Variants in RPRD1B observed in about 807,000 individuals in gnomAD.
The protein encoded by RPRD1B is regulation of nuclear pre-mRNA domain-containing protein 1B.
RPRD1B carries 11 observed loss-of-function variants against 41.5 expected under a neutral mutation model. The observed-to-expected ratio is 0.27, with a 90% CI of 0.17 to 0.44. The LOEUF (loss-of-function observed/expected upper bound fraction) is 0.44, where lower values mean the gene tolerates loss of function less well. RPRD1B is among the 20% of genes least tolerant of loss of function. RPRD1B has a pLI of 1.00. For missense variants in RPRD1B, 248 were observed against 389.9 expected (o/e 0.64, Z 3.06); for synonymous variants, 158 against 155.6 (o/e 1.02, Z -0.12).
chr20:38,082,423 G>A (rs1222621399), intron 6 of RPRD1B, among the ~76,000 whole-genome samples: 4 of 152,080 alleles, frequency 2.6e-5, no homozygotes, highest in African/African-American at 4.8e-5. Context: ...GTCTTGCTCC[G>A]TCCCCCAGGC....
intron 5 of RPRD1B, among the ~76,000 whole-genome samples, chr20:38,061,949 T>G (rs1270431323): frequency 6.6e-6 from 1 of 152,136 alleles, no homozygotes; most frequent in Non-Finnish European, 1.5e-5. Flanking sequence ...CAGGTGTGAT[T>G]AAATATCTTG....
At position 38,049,840 on chromosome 20, in the gene RPRD1B, T is replaced by C. The variant is rs1222702588; in HGVS notation, c.415+1359T>C. ...TACTGATAGTATTGAAGACCCTTTC[T>C]ATCTGAACTAGCCTGTTTTTCCAGA... On this transcript the variant is annotated intron_variant, in intron 3 of 6. Coordinates refer to ENST00000373433, the MANE Select transcript of RPRD1B (RefSeq NM_021215.4). The C allele has an allele frequency of 1.1e-5, 5 of 471,192 alleles. No homozygotes were observed. In the East Asian group the frequency reaches 3.5e-4, roughly 33 times the overall value. 29.2% of individuals were successfully genotyped at this position (471,192 alleles called of 1,614,324 possible).
intron 2 of RPRD1B, among the ~76,000 whole-genome samples, chr20:38,045,428 T>A (rs1185170612): frequency 2.6e-5 from 4 of 152,274 alleles, no homozygotes; most frequent in Non-Finnish European, 5.9e-5. Flanking sequence ...CTTGAATATT[T>A]TATGTATAAC....
At chr20:38,081,676 T>A (rs947449689) in intron 6 of RPRD1B, among the ~76,000 whole-genome samples, 3 of 152,194 alleles carry the variant, frequency 2.0e-5, no homozygotes, top group Admixed American at 2.0e-4. Flanking sequence ...GAGTATGATG[T>A]TTGCTGTGGG....
At chr20:38,056,618 G>A (rs1476537160) in intron 3 of RPRD1B, among the ~76,000 whole-genome samples, 4 of 152,154 alleles carry the variant, frequency 2.6e-5, no homozygotes, top group African/African-American at 9.7e-5. Flanking sequence ...TAATTTGAGT[G>A]CAGTGGAAAG....
chr20:38,089,686 G>T (rs189231693), intron 6 of RPRD1B, 40 bp from the exon 7 acceptor site: 5 of 1,565,184 alleles, frequency 3.2e-6, no homozygotes, highest in African/African-American at 2.7e-5. Context: ...CCCTCGGCAC[G>T]CACAGACTTA....
At chr20:38,060,437 A>G (rs1254601228) in intron 5 of RPRD1B, among the ~76,000 whole-genome samples, 1 of 152,212 alleles carries the variant, frequency 6.6e-6, no homozygotes, top group Non-Finnish European at 1.5e-5. Flanking sequence ...GCCCACCTAT[A>G]TCCCCTCAAG....
intron 1 of RPRD1B, among the ~76,000 whole-genome samples, chr20:38,035,576 A>T (rs1568639743): frequency 1.3e-5 from 2 of 152,110 alleles, no homozygotes; most frequent in African/African-American, 2.4e-5. Context: ...TGAGATAGGG[A>T]TCCCCTCAGC....
intron 6 of RPRD1B, among the ~76,000 whole-genome samples, chr20:38,083,624 C>G (rs1477460184): frequency 6.6e-6 from 1 of 152,136 alleles, no homozygotes; most frequent in African/African-American, 2.4e-5. Context: ...TTAAGAAGCT[C>G]GCTCCCATTT....
chr20:38,075,594 C>G (rs1031543829), intron 6 of RPRD1B, among the ~76,000 whole-genome samples: 1 of 152,198 alleles, frequency 6.6e-6, no homozygotes, highest in Non-Finnish European at 1.5e-5. Flanking sequence ...GCCTTCTACT[C>G]CCACTTAAAA....
chr20:38,035,029 C>A (rs1485663586), intron 1 of RPRD1B, among the ~76,000 whole-genome samples: 3 of 152,136 alleles, frequency 2.0e-5, no homozygotes, highest in Admixed American at 6.5e-5. Context: ...AAAAAAAATT[C>A]TCGGAGCCCT....
At position 38,082,526 on chromosome 20, in the gene RPRD1B, A is replaced by G. The variant is rs149933520; in HGVS notation, c.832-7200A>G. Among the ~76,000 whole-genome samples, 41 of 152,212 alleles carry G rather than the reference A, an allele frequency of 2.7e-4. 1 individual carries two copies. In the East Asian group the frequency reaches 6.6e-3, roughly 24 times the overall value. ...CTCAGCCTCCCGAGCAGCTGGGACTACAAGGCACCTGCTACCATGCCTGGC... is the reference window on the plus strand; with the variant it reads ...CTCAGCCTCCCGAGCAGCTGGGACTGCAAGGCACCTGCTACCATGCCTGGC... On this transcript the variant is annotated intron_variant, in intron 6 of 6. Transcript: ENST00000373433.
In RPRD1B at chr20:38,090,449, AT is replaced by A; in HGVS notation, c.*576del. 1.0e-6 allele frequency: 1 copy of A among 985,926 alleles called. No individual in the cohort carries two copies. Among genetic ancestry groups the A allele is most frequent in the Non-Finnish European group, 1.2e-6 (1 of 829,980 alleles). 61.1% of individuals were successfully genotyped at this position (985,926 alleles called of 1,614,324 possible). On this transcript the variant is annotated 3_prime_UTR_variant, in exon 7 of 7. Transcript: ENST00000373433. ...TTGCTTCTCCTAGTGATGCACGAAG[AT>A]TAGGTGCATTTATTTTGTAAACAGA...
intron 3 of RPRD1B, among the ~76,000 whole-genome samples, chr20:38,055,518 C>T (rs1292311144): frequency 6.6e-6 from 1 of 151,594 alleles, no homozygotes; most frequent in Non-Finnish European, 1.5e-5. Context: ...CCACTTTCTT[C>T]ATTGCTAAGT....
chr20:38,052,718 T>A (rs2074198891), intron 3 of RPRD1B, among the ~76,000 whole-genome samples: 1 of 151,218 alleles, frequency 6.6e-6, no homozygotes, highest in Non-Finnish European at 1.5e-5. Flanking sequence ...GATCAATTAG[T>A]TGTAAACACT....
chr20:38,043,965 G>A (rs2122699048), intron 2 of RPRD1B, among the ~76,000 whole-genome samples: 1 of 152,268 alleles, frequency 6.6e-6, no homozygotes, highest in Middle Eastern at 3.4e-3. Flanking sequence ...GATTTCTGGA[G>A]ACATAAATTT....
rs6091816 is a variant in RPRD1B, at chr20:38,090,946, C to G, written c.*1071C>G. 81 of 985,176 alleles carry G rather than the reference C, an allele frequency of 8.2e-5. No homozygotes were observed. The African/African-American group carries it at 9.4e-4, about 11-fold the overall frequency. 61.0% of individuals were successfully genotyped at this position (985,176 alleles called of 1,614,324 possible). A position where few individuals can be genotyped will look rare whatever the true frequency, so the allele number is the denominator to read the frequency against. ...GTCCCCACACGACGGGGAGTACTTG[C>G]GTCAGATGTTATTGAATAGCTCGTC... On this transcript the variant is annotated 3_prime_UTR_variant, in exon 7 of 7. Transcript: ENST00000373433.
At chr20:38,085,420 A>G (rs2051538537) in intron 6 of RPRD1B, 1 of 152,268 alleles carries the variant, frequency 6.6e-6, no homozygotes, top group Non-Finnish European at 1.5e-5. Flanking sequence ...GCATGTGACC[A>G]CCTGGGCACA....
chr20:38,041,489 T>C (rs909423850), intron 2 of RPRD1B, among the ~76,000 whole-genome samples: 1 of 152,116 alleles, frequency 6.6e-6, no homozygotes. Context: ...AAAAAGATGG[T>C]TTTTGTGGAT....
Sources: allele counts gnomAD v4.1 joint callset (sites outside exome capture counted in the v4.1 genomes callset), GRCh38; gene constraint gnomAD v4.1.1; transcripts MANE v1.5; gene names NCBI Gene and HGNC (gene_info 2026-07-23, HGNC 2026-07-21).